Variants in RYK observed in about 807,000 individuals in gnomAD.
The protein encoded by RYK is receptor like tyrosine kinase.
RYK carries 21 observed loss-of-function variants against 70.2 expected under a neutral mutation model. That is an observed-to-expected ratio of 0.30 (90% confidence interval 0.21 to 0.43). The LOEUF is 0.43. Ranked by LOEUF, RYK falls within the 20% of genes least tolerant of loss-of-function variation. The pLI, the probability that RYK is intolerant of heterozygous loss-of-function variation, is 1.00. For synonymous variants in RYK, 267 were observed against 278.0 expected (o/e 0.96, Z 0.39); for missense variants, 604 against 753.3 (o/e 0.80, Z 2.32).
rs543349850 is a variant in RYK at position 134,159,039 on chromosome 3, C to T, written c.1712+198G>A. ...ATGCACTATAAAATAAAATGCAAGA[C>T]GTTCTAATATCAAATGCATGAAAGA... On this transcript the variant is annotated intron_variant, in intron 14 of 14. Coordinates refer to ENST00000623711, the MANE Select transcript of RYK (RefSeq NM_002958.4). 5.2e-4 allele frequency among the ~76,000 whole-genome samples: 79 copies of T among 152,234 alleles called. 3 individuals are homozygous for T. In the South Asian group the frequency reaches 0.016, roughly 31 times the overall value.
At chr3:134,247,072 G>A (rs546993347) in intron 1 of RYK, among the ~76,000 whole-genome samples, 24 of 151,978 alleles carry the variant, frequency 1.6e-4, no homozygotes, top group African/African-American at 5.3e-4. Flanking sequence ...GAATCAAAAC[G>A]CAATTTTGAT....
chr3:134,181,744 C>CT (rs558569723), intron 10 of RYK: 21 of 152,106 alleles, frequency 1.4e-4, no homozygotes, highest in Non-Finnish European at 3.1e-4. Flanking sequence ...CTATATAGTG[C>CT]TTTAAAAAAA....
intron 6 of RYK, among the ~76,000 whole-genome samples, chr3:134,199,114 C>T (rs1220333110): frequency 6.6e-6 from 1 of 152,194 alleles, no homozygotes; most frequent in East Asian, 1.9e-4. Flanking sequence ...TCAGGCGTAA[C>T]AAAGAGACTG....
chr3:134,221,128 A>T (rs907342971), intron 2 of RYK, among the ~76,000 whole-genome samples: 4 of 151,828 alleles, frequency 2.6e-5, no homozygotes, highest in African/African-American at 9.7e-5. Context: ...GGGACTTTGA[A>T]GAAGTTATAC....
At chr3:134,212,536 T>C (rs897669671) in intron 2 of RYK, among the ~76,000 whole-genome samples, 4 of 152,064 alleles carry the variant, frequency 2.6e-5, no homozygotes, top group African/African-American at 7.2e-5. Flanking sequence ...AGGCAGCAGG[T>C]TGGGAAAAGA....
chr3:134,222,551 T>C lies in RYK; in HGVS notation c.233-12A>G, dbSNP rs764575082. The C allele has an allele frequency of 3.8e-6, 6 of 1,567,500 alleles. No homozygotes were observed. In the South Asian group the frequency reaches 5.8e-5, roughly 15 times the overall value. On this transcript the variant is annotated splice_polypyrimidine_tract_variant and intron_variant, in intron 1 of 14. Coordinates refer to ENST00000623711, the MANE Select transcript of RYK (RefSeq NM_002958.4). The stretch of plus-strand genomic sequence containing the variant: ...TTCTGCATCAAGACCTAGAAAAAAA[T>C]AGGAAAAAAATAATTAAACACTTAA...
chr3:134,164,502 G>T (rs560540422), intron 13 of RYK, among the ~76,000 whole-genome samples: 1 of 152,204 alleles, frequency 6.6e-6, no homozygotes, highest in Non-Finnish European at 1.5e-5. Flanking sequence ...TATATAAATA[G>T]AATTATTCAA....
At position 134,185,840 on chromosome 3, in the gene RYK, TTTTTA is replaced by T. The variant is rs1460282681; in HGVS notation, c.1103-2774_1103-2770del. 2.6e-5 allele frequency among the ~76,000 whole-genome samples: 4 copies of T among 152,258 alleles called. No homozygotes were observed. In the East Asian group the frequency reaches 7.7e-4, roughly 29 times the overall value. On this transcript the variant is annotated intron_variant, in intron 9 of 14. Transcript: ENST00000623711. ...TCATTTTATACTTACTTTTTTCAAG[TTTTTA>T]TTTTGATAAGCATGTTCTATTAAAG...
intron 10 of RYK, chr3:134,180,948 T>G (rs1351851242): frequency 6.6e-6 from 1 of 152,226 alleles, no homozygotes; most frequent in Admixed American, 6.5e-5. Flanking sequence ...AGACTGCTAA[T>G]TCATCCTGAT....
In RYK at chr3:134,209,758, T is replaced by A. The variant is rs752511351; in HGVS notation, c.526A>T (p.Thr176Ser). The A allele has an allele frequency of 6.6e-7, 1 of 1,512,520 alleles. No individual in the cohort carries two copies. Among genetic ancestry groups the A allele is most frequent in the South Asian group, 1.3e-5 (1 of 74,676 alleles). The allele number at this position is 1,512,520 out of a possible 1,614,324, so 93.7% of individuals were successfully genotyped here. ...EVMILMQLNL[T>S]VNSSKNFTVL... ...GTAAAATTTTTTGAAGAATTTACTG[T>A]CAAGTTGAGCTGCATTAGTATCATA... Residue 176 changes from threonine (T) to serine (S), a missense_variant, in exon 4 of 15, where the codon ACA becomes TCA. Transcript: ENST00000623711.
chr3:134,239,900 A>C (rs981525015), intron 1 of RYK, among the ~76,000 whole-genome samples: 5 of 152,194 alleles, frequency 3.3e-5, no homozygotes, highest in African/African-American at 1.2e-4. Context: ...AGATCTAGAA[A>C]GTACCAGCCA....
chr3:134,241,621 T>G (rs1325775042), intron 1 of RYK, among the ~76,000 whole-genome samples: 1 of 152,194 alleles, frequency 6.6e-6, no homozygotes, highest in Non-Finnish European at 1.5e-5. Flanking sequence ...TCAGATCAAT[T>G]CAACAAATTG....
chr3:134,229,399 C>T lies in RYK; in HGVS notation c.233-6860G>A, dbSNP rs868370967. ...GGGCTGGAAAAAAAAAAAAAAAAAA[C>T]GTAGGATAGAAAATCTTCACAACCT... On this transcript the variant is annotated intron_variant, in intron 1 of 14. Coordinates refer to ENST00000623711, the MANE Select transcript of RYK (RefSeq NM_002958.4). 9.8e-4 allele frequency among the ~76,000 whole-genome samples: 111 copies of T among 112,922 alleles called. 1 individual carries two copies. The highest frequency in any genetic ancestry group is 7.4e-4 in the South Asian group (2 of 2,686). The allele number at this position is 112,922 out of a possible 152,430, so 74.1% of individuals were successfully genotyped here.
At position 134,178,091 on chromosome 3, in the gene RYK, A is replaced by G. The variant is rs74843812; in HGVS notation, c.1173-18T>C. Reference sequence around the variant, plus strand: ...GAAGATTTCTATAAAATAATAAAAAATTGGGAGAAAGACAAAGGAATCCAA... The same window carrying G: ...GAAGATTTCTATAAAATAATAAAAAGTTGGGAGAAAGACAAAGGAATCCAA... On this transcript the variant is annotated intron_variant, in intron 10 of 14. Coordinates refer to ENST00000623711, the MANE Select transcript of RYK (RefSeq NM_002958.4). 9.7e-3 allele frequency: 14,972 copies of G among 1,536,170 alleles called. 327 individuals carry two copies. Among genetic ancestry groups the G allele is most frequent in the South Asian group, 0.063 (4,923 of 78,456 alleles).
At chr3:134,199,890 A>C (rs572891054) in intron 6 of RYK, among the ~76,000 whole-genome samples, 1 of 151,448 alleles carries the variant, frequency 6.6e-6, no homozygotes, top group South Asian at 2.1e-4. Context: ...AGGTTTGTAA[A>C]CGCACCAATC....
intron 13 of RYK, among the ~76,000 whole-genome samples, chr3:134,173,384 A>G (rs180745968): frequency 6.6e-6 from 1 of 152,364 alleles, no homozygotes; most frequent in Non-Finnish European, 1.5e-5. Flanking sequence ...ATATATCTGT[A>G]TTAGTCCCTT....
intron 2 of RYK, 135 bp downstream of exon 2, chr3:134,222,283 G>A: frequency 5.6e-6 from 5 of 896,242 alleles, no homozygotes; most frequent in South Asian, 4.8e-5. Flanking sequence ...ATATAAATCT[G>A]AAAAGACTCA....
intron 2 of RYK, among the ~76,000 whole-genome samples, chr3:134,216,997 A>C (rs2014574996): frequency 6.6e-6 from 1 of 152,078 alleles, no homozygotes; most frequent in Non-Finnish European, 1.5e-5. Context: ...AATTAACACA[A>C]TGGTCTTTCC....
At chr3:134,218,327 C>T (rs955180757) in intron 2 of RYK, among the ~76,000 whole-genome samples, 1 of 152,148 alleles carries the variant, frequency 6.6e-6, no homozygotes, top group Admixed American at 6.5e-5. Flanking sequence ...CAGTTAGTAC[C>T]ACGTGCTATA....
Sources: allele counts gnomAD v4.1 joint callset (sites outside exome capture counted in the v4.1 genomes callset), GRCh38; gene constraint gnomAD v4.1.1; transcripts MANE v1.5; gene names NCBI Gene and HGNC (gene_info 2026-07-23, HGNC 2026-07-21).